The following TRIM5 variants were observed in gnomAD, a reference collection of about 807,000 sequenced individuals.
TRIM5 encodes tripartite motif-containing protein 5.
A neutral mutation model predicts 35.6 loss-of-function variants in TRIM5; 31 were observed. The observed-to-expected ratio is 0.87, with a 90% CI of 0.65 to 1.18. The LOEUF (loss-of-function observed/expected upper bound fraction) is 1.18, where lower values mean the gene tolerates loss of function less well. Ranked by LOEUF, TRIM5 falls within the 50% of genes most tolerant of loss-of-function variation. The probability of loss-of-function intolerance (pLI) is 0.00; values close to 1 mark genes in which losing one functional copy is unlikely to be tolerated. For synonymous variants in TRIM5, 243 were observed against 215.6 expected (o/e 1.13, Z -1.11); for missense variants, 609 against 591.6 (o/e 1.03, Z -0.31).
chr11:5,630,570 T>C, the TRIM5 span, among the ~76,000 whole-genome samples: 11 of 152,362 alleles, frequency 7.2e-5, no homozygotes, highest in Middle Eastern at 3.4e-3. Flanking sequence ...ATGTCCTCCA[T>C]GAACGGGGCA....
intron 7 of TRIM5, 73 bp from the exon 8 acceptor site, chr11:5,665,468 A>C: frequency 1.3e-6 from 2 of 1,542,874 alleles, no homozygotes; most frequent in Non-Finnish European, 1.7e-6. Flanking sequence ...AATCTTGATA[A>C]AGACTTGAGA....
chr11:5,625,028 C>T, the TRIM5 span: 1 of 152,344 alleles, frequency 6.6e-6, no homozygotes. Flanking sequence ...TTCACCTCTT[C>T]AACCAGGAGC....
the TRIM5 span, chr11:5,596,937 T>C: frequency 6.2e-7 from 1 of 1,614,106 alleles, no homozygotes; most frequent in Non-Finnish European, 8.5e-7. Context: ...TTCTGTTGAC[T>C]GGCTCTTATT....
chr11:5,603,861 C>G, the TRIM5 span: 1 of 1,443,806 alleles, frequency 6.9e-7, no homozygotes, highest in African/African-American at 1.4e-5. Context: ...TGGAAACTGC[C>G]TCCCTGATTA....
At chr11:5,644,757 A>C in the TRIM5 span, among the ~76,000 whole-genome samples, 11 of 152,306 alleles carry the variant, frequency 7.2e-5, no homozygotes, top group African/African-American at 2.6e-4. Flanking sequence ...ATACAATATT[A>C]ACTAGAATCC....
chr11:5,610,996 A>G, the TRIM5 span: 3 of 1,614,140 alleles, frequency 1.9e-6, no homozygotes, highest in Non-Finnish European at 2.5e-6. Flanking sequence ...GTATGCAGCA[A>G]TTCACTGGGA....
downstream of TRIM5, among the ~76,000 whole-genome samples, chr11:5,663,043 T>C (rs1850884688): frequency 6.6e-6 from 1 of 152,158 alleles, no homozygotes; most frequent in African/African-American, 2.4e-5. Context: ...GGTGGAAGGA[T>C]GAACCCTGGA....
the TRIM5 span, among the ~76,000 whole-genome samples, chr11:5,640,442 A>AT: frequency 4.0e-3 from 600 of 150,728 alleles, 3 homozygotes; most frequent in African/African-American, 0.012. Flanking sequence ...ACATCAATTG[A>AT]TTTTTTTTTA....
the TRIM5 span, among the ~76,000 whole-genome samples, chr11:5,622,444 CAAA>C: frequency 5.2e-5 from 6 of 116,422 alleles, no homozygotes; most frequent in Non-Finnish European, 3.6e-5. Context: ...GACTACCTCT[CAAA>C]AAAAAAAAAA....
At chr11:5,604,829 G>T in the TRIM5 span, 33 of 543,444 alleles carry the variant, frequency 6.1e-5, no homozygotes, top group Middle Eastern at 1.5e-3. Flanking sequence ...ACTGAACCTA[G>T]GAGACAATCA....
At chr11:5,595,942 A>T in the TRIM5 span, among the ~76,000 whole-genome samples, 49 of 151,942 alleles carry the variant, frequency 3.2e-4, no homozygotes. Context: ...CGGCCTCCCA[A>T]AGTGCTGGGA....
chr11:5,597,164 A>G, the TRIM5 span, among the ~76,000 whole-genome samples: 1 of 152,218 alleles, frequency 6.6e-6, no homozygotes, highest in Non-Finnish European at 1.5e-5. Flanking sequence ...TCTGACAGAC[A>G]CTGGCTGTGT....
the TRIM5 span, among the ~76,000 whole-genome samples, chr11:5,639,524 T>C: frequency 6.6e-6 from 1 of 150,942 alleles, no homozygotes; most frequent in African/African-American, 2.4e-5. Flanking sequence ...ACTAAAAATA[T>C]TAAAAATTAG....
At chr11:5,631,228 C>A in the TRIM5 span, among the ~76,000 whole-genome samples, 5 of 152,134 alleles carry the variant, frequency 3.3e-5, 1 homozygote. Context: ...AACACAAGAC[C>A]CCCCCAGAAA....
chr11:5,679,731 C>T, intron 2 of TRIM5, 30 bp downstream of exon 2: 1 of 1,518,966 alleles, frequency 6.6e-7, no homozygotes, highest in Non-Finnish European at 8.8e-7. Flanking sequence ...CCATTTTCTG[C>T]CCTCTCTTCC....
At chr11:5,603,551 G>A in the TRIM5 span, 42 of 1,613,900 alleles carry the variant, frequency 2.6e-5, no homozygotes, top group Admixed American at 3.3e-5. Flanking sequence ...ATAGTGAGGC[G>A]GCTCAGAGAG....
At chr11:5,631,244 A>C in the TRIM5 span, among the ~76,000 whole-genome samples, 3 of 152,156 alleles carry the variant, frequency 2.0e-5, no homozygotes, top group East Asian at 5.8e-4. Flanking sequence ...AGAAATTCCC[A>C]ACTTATGTGG....
the TRIM5 span, chr11:5,645,867 G>GAAAA: frequency 8.1e-5 from 11 of 135,660 alleles, no homozygotes; most frequent in Non-Finnish European, 1.0e-4. Flanking sequence ...TAGTCTTCTG[G>GAAAA]AAAAAAAAAA....
the TRIM5 span, among the ~76,000 whole-genome samples, chr11:5,615,828 G>A: frequency 6.6e-6 from 1 of 151,258 alleles, no homozygotes; most frequent in Non-Finnish European, 1.5e-5. Flanking sequence ...CCTGACCTCA[G>A]GTGATCCACC....
Sources: allele counts gnomAD v4.1 joint callset (sites outside exome capture counted in the v4.1 genomes callset), GRCh38; gene constraint gnomAD v4.1.1; transcripts MANE v1.5; gene names NCBI Gene and HGNC (gene_info 2026-07-23, HGNC 2026-07-21).